RP1L1: variants seen among roughly 807,000 people sequenced by gnomAD.
RP1L1 encodes retinitis pigmentosa 1-like 1 protein.
In RP1L1, 27 loss-of-function variants were observed where a neutral mutation model predicts 15.7. The observed-to-expected ratio is 1.72, with a 90% CI of 1.27 to 2.38. RP1L1 has a LOEUF of 2.38. RP1L1 is among the 30% of genes most tolerant of loss of function. The pLI, the probability that RP1L1 is intolerant of heterozygous loss-of-function variation, is 0.00. For missense variants in RP1L1, 4,798 were observed against 3,075.9 expected (o/e 1.56, Z -13.24); for synonymous variants, 1,813 against 1,276.7 (o/e 1.42, Z -8.96).
intron 1 of RP1L1, among the ~76,000 whole-genome samples, chr8:10,624,476 T>C (rs547282617): frequency 6.6e-6 from 1 of 152,112 alleles, no homozygotes; most frequent in East Asian, 1.9e-4. Context: ...CTGGAGGAGG[T>C]GATGCAGAGA....
chr8:10,615,216 C>T (rs1375637816), intron 3 of RP1L1, among the ~76,000 whole-genome samples: 1 of 152,202 alleles, frequency 6.6e-6, no homozygotes, highest in Non-Finnish European at 1.5e-5. Flanking sequence ...TGAGCCTGTG[C>T]TTGTTGGTGT....
At chr8:10,636,884 G>C (rs1197884671) in intron 1 of RP1L1, among the ~76,000 whole-genome samples, 1 of 152,156 alleles carries the variant, frequency 6.6e-6, no homozygotes, top group South Asian at 2.1e-4. Context: ...GATGGAACTG[G>C]AGTGACAAGG....
Position 10,610,613 on chromosome 8 carries a change from T to G in RP1L1, c.3485A>C (p.Asp1162Ala). 6.2e-7 allele frequency: 1 copy of G among 1,613,540 alleles called. No homozygotes were observed. The highest frequency in any genetic ancestry group is 1.1e-5 in the South Asian group (1 of 91,062). ...TGAGTCCAGCTGGTCTTCCCCAACG[T>G]CACATCCTGGCCACAGGTCCTTCGA... ...SISKDLWPGCDVGEDQLDSGL... is the reference protein window; with the variant it reads ...SISKDLWPGCAVGEDQLDSGL... Residue 1162 changes from aspartate (D) to alanine (A), a missense_variant, in exon 4 of 4, where the codon GAC (aspartate) becomes GCC (alanine). By Grantham distance (126) the Asp-to-Ala change is moderately radical. Transcript: ENST00000382483.
chr8:10,607,533 C>T lies in RP1L1; in HGVS notation c.6565G>A (p.Ala2189Thr), dbSNP rs1335539660. The T allele has an allele frequency of 6.2e-7, 1 of 1,607,398 alleles. No homozygotes were observed. The highest frequency in any genetic ancestry group is 8.5e-7 in the Non-Finnish European group (1 of 1,175,314). The change falls in exon 4 of 4, where the codon GCC becomes ACC. Residue 2189 changes from alanine to threonine, a missense_variant. Transcript: ENST00000382483. ...GVEAPEAEGEAQPESEGIEAP... is the reference protein window; with the variant it reads ...GVEAPEAEGETQPESEGIEAP... ...TCTATACCTTCTGACTCTGGCTGGGCCTCCCCTTCTGCCTCTGGGGCCTCT... is the reference window on the plus strand; with the variant it reads ...TCTATACCTTCTGACTCTGGCTGGGTCTCCCCTTCTGCCTCTGGGGCCTCT...
In RP1L1 at chr8:10,609,569, G is replaced by T. The variant is rs373409421; in HGVS notation, c.4529C>A (p.Ala1510Glu). The change falls in exon 4 of 4, where the codon GCG becomes GAG. Residue 1510 changes from alanine (A) to glutamate (E), a missense_variant. Coordinates refer to ENST00000382483, the MANE Select transcript of RP1L1 (RefSeq NM_178857.6). ...AERSSSVACS[A>E]ALDCDPIWVS... ...CCAGATGGGGTCGCAGTCCAGAGCC[G>T]CGCTGCAGGCCACCGAAGAGCTCCT... The T allele has an allele frequency of 2.5e-6, 4 of 1,603,536 alleles. No individual in the cohort carries two copies. Among genetic ancestry groups the T allele is most frequent in the Non-Finnish European group, 2.5e-6 (3 of 1,177,284 alleles).
chr8:10,650,168 T>A (rs1798537687), intron 1 of RP1L1, among the ~76,000 whole-genome samples: 1 of 152,186 alleles, frequency 6.6e-6, no homozygotes, highest in Non-Finnish European at 1.5e-5. Flanking sequence ...AACCACCACG[T>A]GATCATGAGG....
At chr8:10,621,967 G>C (rs940058342) in intron 2 of RP1L1, among the ~76,000 whole-genome samples, 2 of 152,190 alleles carry the variant, frequency 1.3e-5, no homozygotes, top group African/African-American at 4.8e-5. Flanking sequence ...GGTAACTTGA[G>C]TAGTTTGTTT....
intron 1 of RP1L1, among the ~76,000 whole-genome samples, chr8:10,630,583 C>T (rs1020991556): frequency 2.6e-5 from 4 of 152,200 alleles, no homozygotes; most frequent in Admixed American, 1.3e-4. Flanking sequence ...CGTAGGGGAG[C>T]TGGGGTCAGA....
At chr8:10,631,917 TGAGTGAATCACTCC>T (rs1798259284) in intron 1 of RP1L1, among the ~76,000 whole-genome samples, 1 of 152,214 alleles carries the variant, frequency 6.6e-6, no homozygotes, top group Admixed American at 6.5e-5. Flanking sequence ...GCCATGGACG[TGAGTGAATCACTCC>T]CAGACCTGCT....
At position 10,613,241 on chromosome 8, in the gene RP1L1, C is replaced by A. The variant is rs180987931; in HGVS notation, c.857G>T (p.Gly286Val). 1.4e-4 allele frequency: 229 copies of A among 1,612,544 alleles called. No homozygotes were observed. In the African/African-American group the frequency reaches 2.8e-3, roughly 20 times the overall value. The change falls in exon 4 of 4, where the codon GGC (glycine) becomes GTC (valine). Residue 286 changes from glycine (G) to valine (V), a missense_variant. By Grantham distance (109) the Gly-to-Val change is moderately radical. Coordinates refer to ENST00000382483, the MANE Select transcript of RP1L1 (RefSeq NM_178857.6). ...ERPGPSNPPVGPAPGRHPQDT... is the reference protein window; with the variant it reads ...ERPGPSNPPVVPAPGRHPQDT... ...CTGAGGGTGCCTGCCAGGAGCAGGG[C>A]CCACCGGGGGGTTGCTAGGACCAGG...
Position 10,613,224 on chromosome 8 carries a change from G to A in RP1L1, c.874C>T (p.His292Tyr), listed in dbSNP as rs761210673. The change falls in exon 4 of 4, where the codon CAC (histidine) becomes TAC (tyrosine). Residue 292 changes from histidine (H) to tyrosine (Y), a missense_variant. By Grantham distance (83) the His-to-Tyr change is moderately conservative. Transcript: ENST00000382483. ...NPPVGPAPGRHPQDTPAQSGP... is the reference protein window; with the variant it reads ...NPPVGPAPGRYPQDTPAQSGP... ...GACTGAGCTGGCGTGTCCTGAGGGT[G>A]CCTGCCAGGAGCAGGGCCCACCGGG... is the stretch of plus-strand genomic sequence containing the variant. 8.7e-6 allele frequency: 14 copies of A among 1,613,100 alleles called. No homozygotes were observed. Among genetic ancestry groups the A allele is most frequent in the Non-Finnish European group, 2.5e-6 (3 of 1,180,028 alleles).
intron 1 of RP1L1, among the ~76,000 whole-genome samples, chr8:10,628,301 A>G (rs1352520452): frequency 6.6e-6 from 1 of 152,188 alleles, no homozygotes; most frequent in Non-Finnish European, 1.5e-5. Context: ...AGAAATTACC[A>G]AAGGCGTTCA....
chr8:10,614,143 C>T (rs1227326535), intron 3 of RP1L1, among the ~76,000 whole-genome samples: 1 of 152,144 alleles, frequency 6.6e-6, no homozygotes, highest in African/African-American at 2.4e-5. Context: ...CCCAGCACAG[C>T]AGGTGAAATC....
At chr8:10,620,799 C>T (rs1798045922) in intron 2 of RP1L1, among the ~76,000 whole-genome samples, 1 of 152,230 alleles carries the variant, frequency 6.6e-6, no homozygotes, top group Admixed American at 6.5e-5. Flanking sequence ...AGGAAGTCAT[C>T]TATTACCCAT....
At chr8:10,623,668 G>T (rs1171453818) in intron 1 of RP1L1, among the ~76,000 whole-genome samples, 1 of 147,578 alleles carries the variant, frequency 6.8e-6, no homozygotes, top group African/African-American at 2.5e-5. Context: ...CCCCAGCAAA[G>T]CCACATCTGT....
At chr8:10,634,285 G>T (rs1269298334) in intron 1 of RP1L1, among the ~76,000 whole-genome samples, 5 of 152,076 alleles carry the variant, frequency 3.3e-5, no homozygotes, top group African/African-American at 4.8e-5. Context: ...CTGAATATGC[G>T]CTCTCCCAGG....
At chr8:10,648,042 T>A (rs1798505006) in intron 1 of RP1L1, among the ~76,000 whole-genome samples, 1 of 152,056 alleles carries the variant, frequency 6.6e-6, no homozygotes, top group African/African-American at 2.4e-5. Flanking sequence ...TCTTTTCTTT[T>A]TTTTTTTTAG....
At chr8:10,653,324 G>A (rs991196924) in intron 1 of RP1L1, among the ~76,000 whole-genome samples, 6 of 152,170 alleles carry the variant, frequency 3.9e-5, no homozygotes, top group African/African-American at 1.4e-4. Context: ...GGCTTGTTTA[G>A]TCCAGACCCC....
At chr8:10,654,808 T>A (rs1208820021) in intron 1 of RP1L1, 90 bp downstream of exon 1, 1 of 152,744 alleles carries the variant, frequency 6.5e-6, no homozygotes, top group African/African-American at 2.4e-5. Context: ...CTGAAACGCC[T>A]CCCCACTTGC....
Sources: allele counts gnomAD v4.1 joint callset (sites outside exome capture counted in the v4.1 genomes callset), GRCh38; gene constraint gnomAD v4.1.1; transcripts MANE v1.5; gene names NCBI Gene and HGNC (gene_info 2026-07-23, HGNC 2026-07-21).